The following LRRC4C variants were observed in gnomAD, a reference collection of about 807,000 sequenced individuals.
LRRC4C encodes leucine-rich repeat-containing protein 4C.
LRRC4C carries 5 observed loss-of-function variants against 33.6 expected under a neutral mutation model. That is an observed-to-expected ratio of 0.15 (90% confidence interval 0.08 to 0.31). LRRC4C has a LOEUF of 0.31. LRRC4C is among the 10% of genes least tolerant of loss of function. The pLI is 1.00. For missense variants in LRRC4C, 560 were observed against 796.7 expected (o/e 0.70, Z 3.58); for synonymous variants, 329 against 302.0 (o/e 1.09, Z -0.93).
At chr11:40,264,211 G>A (rs1326511168) in intron 4 of LRRC4C, among the ~76,000 whole-genome samples, 1 of 152,146 alleles carries the variant, frequency 6.6e-6, no homozygotes, top group Non-Finnish European at 1.5e-5. Context: ...TGTCTCCAAA[G>A]CCCACGTTCT....
At chr11:40,460,259 C>T (rs375150903) in intron 3 of LRRC4C, among the ~76,000 whole-genome samples, 2 of 152,028 alleles carry the variant, frequency 1.3e-5, no homozygotes, top group East Asian at 3.9e-4. Flanking sequence ...TACATGGTTT[C>T]TGTACTACAG....
intron 2 of LRRC4C, among the ~76,000 whole-genome samples, chr11:40,876,463 T>A (rs964897677): frequency 2.6e-5 from 4 of 152,076 alleles, no homozygotes; most frequent in Non-Finnish European, 5.9e-5. Flanking sequence ...TGCAGCCATG[T>A]TATCTGCCAA....
Position 40,954,446 on chromosome 11 carries a change from A to G in LRRC4C, c.-495-20723T>C, listed in dbSNP as rs541002221. ...TTGAGGCATTTGCATGGCTCCAATC[A>G]TAAAGACCAACCTGTGCTGTCATTT... On this transcript the variant is annotated intron_variant, in intron 1 of 6. Transcript: ENST00000528697. 6.6e-5 allele frequency among the ~76,000 whole-genome samples: 10 copies of G among 151,996 alleles called. No homozygotes were observed. In the South Asian group the frequency reaches 1.7e-3, roughly 25 times the overall value.
chr11:40,746,392 C>T (rs6485224), intron 2 of LRRC4C, among the ~76,000 whole-genome samples: 1 of 152,024 alleles, frequency 6.6e-6, no homozygotes, highest in Non-Finnish European at 1.5e-5. Flanking sequence ...GAGAAGCAAG[C>T]GAAGCACAGG....
At chr11:41,087,858 A>T (rs1156693990) in intron 1 of LRRC4C, among the ~76,000 whole-genome samples, 1 of 152,174 alleles carries the variant, frequency 6.6e-6, no homozygotes, top group Admixed American at 6.5e-5. Flanking sequence ...TAAGTGTCTG[A>T]TAAGTCTTTA....
chr11:40,374,046 T>C (rs1283259288), intron 3 of LRRC4C, among the ~76,000 whole-genome samples: 1 of 152,208 alleles, frequency 6.6e-6, no homozygotes, highest in East Asian at 1.9e-4. Context: ...TATATATCAT[T>C]ATCCCTTAAC....
At chr11:40,469,741 C>T (rs559510201) in intron 3 of LRRC4C, among the ~76,000 whole-genome samples, 2 of 152,286 alleles carry the variant, frequency 1.3e-5, no homozygotes, top group South Asian at 2.1e-4. Flanking sequence ...CAGTTTTCAC[C>T]TCACAAGGTA....
chr11:41,396,069 A>G (rs1953799691), intron 1 of LRRC4C, among the ~76,000 whole-genome samples: 1 of 151,910 alleles, frequency 6.6e-6, no homozygotes, highest in African/African-American at 2.4e-5. Flanking sequence ...CTCAACGGCT[A>G]TTGTTAGTGT....
chr11:40,460,187 T>C (rs888166723), intron 3 of LRRC4C, among the ~76,000 whole-genome samples: 4 of 152,102 alleles, frequency 2.6e-5, no homozygotes, highest in Non-Finnish European at 5.9e-5. Context: ...AATTGAGTTT[T>C]CCTTTATATT....
intron 3 of LRRC4C, among the ~76,000 whole-genome samples, chr11:40,466,697 C>T (rs1024049666): frequency 6.6e-6 from 1 of 151,724 alleles, no homozygotes; most frequent in African/African-American, 2.4e-5. Context: ...CTCTTAATGA[C>T]AAGATATCTT....
At chr11:40,396,704 G>A (rs1422274306) in intron 3 of LRRC4C, among the ~76,000 whole-genome samples, 1 of 151,908 alleles carries the variant, frequency 6.6e-6, no homozygotes, top group African/African-American at 2.4e-5. Context: ...AAATAATAAA[G>A]GAAATAACAT....
intron 5 of LRRC4C, among the ~76,000 whole-genome samples, chr11:40,181,336 T>A (rs762195939): frequency 2.6e-5 from 4 of 152,112 alleles, no homozygotes; most frequent in Non-Finnish European, 4.4e-5. Flanking sequence ...GAGACTGAGG[T>A]TTTTTTCCTC....
chr11:40,688,097 C>G (rs1399045627), intron 2 of LRRC4C, among the ~76,000 whole-genome samples: 1 of 151,960 alleles, frequency 6.6e-6, no homozygotes, highest in Non-Finnish European at 1.5e-5. Context: ...CTGTCAGTCA[C>G]TCAGCAACAG....
intron 1 of LRRC4C, among the ~76,000 whole-genome samples, chr11:40,943,866 C>T (rs1053144596): frequency 1.3e-5 from 2 of 152,142 alleles, no homozygotes; most frequent in Admixed American, 6.5e-5. Context: ...AGGCAGAAGG[C>T]CCTGACCCAT....
chr11:40,261,529 A>G (rs900339121), intron 4 of LRRC4C, among the ~76,000 whole-genome samples: 2 of 152,158 alleles, frequency 1.3e-5, no homozygotes, highest in South Asian at 2.1e-4. Flanking sequence ...ATCTTGCCTA[A>G]CCAACATTTA....
At chr11:40,323,419 C>G (rs900409963) in intron 3 of LRRC4C, among the ~76,000 whole-genome samples, 2 of 152,184 alleles carry the variant, frequency 1.3e-5, no homozygotes, top group South Asian at 2.1e-4. Flanking sequence ...GACGATGTCT[C>G]TTCTTGCCAA....
intron 1 of LRRC4C, among the ~76,000 whole-genome samples, chr11:41,371,161 CT>C (rs34924927): frequency 0.42 from 63,739 of 151,966 alleles, 14,083 homozygotes; most frequent in Non-Finnish European, 0.49. Context: ...ATTTCAAGCC[CT>C]GAAATTGGGG....
intron 1 of LRRC4C, among the ~76,000 whole-genome samples, chr11:41,042,186 T>C (rs564016478): frequency 1.3e-5 from 2 of 152,298 alleles, no homozygotes; most frequent in Admixed American, 6.5e-5. Context: ...TGTCAGATGA[T>C]AGCAAACCTG....
rs376123987 is a variant in LRRC4C, at chr11:40,657,037, G to A, written c.-406-8759C>T. Among the ~76,000 whole-genome samples the A allele has an allele frequency of 2.2e-4, 34 of 152,206 alleles. 2 individuals carry two copies. In the East Asian group the frequency reaches 3.7e-3, roughly 16 times the overall value. The stretch of plus-strand genomic sequence containing the variant: ...ACAGGCTCTATTTGGCTACCTCCAA[G>A]CTACCAAAAAAAGTGTAAAAAACCA... On this transcript the variant is annotated intron_variant, in intron 2 of 6. Transcript: ENST00000528697.
Sources: gnomAD v4.1 joint callset for allele counts (sites outside exome capture counted in the v4.1 genomes callset) on GRCh38, gnomAD v4.1.1 for gene constraint, MANE v1.5 for transcripts, NCBI Gene and HGNC (gene_info 2026-07-23, HGNC 2026-07-21) for gene names.